Variants in LDLRAD4 observed in about 807,000 individuals in gnomAD.
LDLRAD4 encodes the protein low-density lipoprotein receptor class A domain-containing protein 4.
A neutral mutation model predicts 17.0 loss-of-function variants in LDLRAD4; 5 were observed. That is an observed-to-expected ratio of 0.29 (90% CI 0.15 to 0.62). The LOEUF is 0.62. LDLRAD4 is among the 20% of genes least tolerant of loss of function. LDLRAD4 has a pLI of 0.84. For missense variants in LDLRAD4, 340 were observed against 424.7 expected, an observed-to-expected ratio of 0.80 and a Z score of 1.75; for synonymous variants, 168 against 171.8, an observed-to-expected ratio of 0.98 and a Z score of 0.17.
intron 1 of LDLRAD4, among the ~76,000 whole-genome samples, chr18:13,352,399 CCTTT>C (rs59035105): frequency 0.31 from 46,663 of 151,650 alleles, 7,156 homozygotes; most frequent in South Asian, 0.37. Context: ...TTTATTTTTC[CCTTT>C]CAGCAGTTTA....
At chr18:13,630,746 A>G (rs2041590092) in intron 4 of LDLRAD4, among the ~76,000 whole-genome samples, 2 of 152,242 alleles carry the variant, frequency 1.3e-5, no homozygotes, top group Non-Finnish European at 2.9e-5. Flanking sequence ...AAGAACAGTA[A>G]GAAATACATT....
intron 3 of LDLRAD4, chr18:13,611,558 A>G (rs1437815103): frequency 3.0e-6 from 3 of 985,334 alleles, no homozygotes; most frequent in African/African-American, 3.5e-5. Context: ...GTGCTTGAAC[A>G]AAATGAACCA....
intron 3 of LDLRAD4, among the ~76,000 whole-genome samples, chr18:13,530,118 G>A (rs1462944508): frequency 6.6e-6 from 1 of 152,128 alleles, no homozygotes; most frequent in African/African-American, 2.4e-5. Context: ...AATTAAATTT[G>A]CCCCCTACCT....
At chr18:13,267,027 G>A (rs2044258489) in intron 1 of LDLRAD4, among the ~76,000 whole-genome samples, 1 of 152,202 alleles carries the variant, frequency 6.6e-6, no homozygotes. Flanking sequence ...GAATCAACAG[G>A]GTAATGGTGG....
intron 3 of LDLRAD4, among the ~76,000 whole-genome samples, chr18:13,555,403 A>G (rs542998296): frequency 4.7e-4 from 72 of 152,208 alleles, no homozygotes; most frequent in African/African-American, 1.5e-3. Flanking sequence ...GTCACAGCCT[A>G]CCTTCTCCCT....
At chr18:13,444,527 T>A (rs1191241427) in intron 3 of LDLRAD4, among the ~76,000 whole-genome samples, 1 of 152,064 alleles carries the variant, frequency 6.6e-6, no homozygotes, top group Non-Finnish European at 1.5e-5. Context: ...TTTCGGGGAG[T>A]TGAAAGTTAT....
At chr18:13,219,040 G>A (rs2041297026) in intron 1 of LDLRAD4, 52 bp downstream of exon 1, 1 of 151,710 alleles carries the variant, frequency 6.6e-6, no homozygotes, top group Non-Finnish European at 1.5e-5. Flanking sequence ...AATCGCTATC[G>A]TGGCGGAGAG....
At chr18:13,220,754 C>T (rs1004222118) in intron 1 of LDLRAD4, among the ~76,000 whole-genome samples, 35 of 152,206 alleles carry the variant, frequency 2.3e-4, no homozygotes, top group African/African-American at 8.2e-4. Context: ...GCTCCTGGGA[C>T]GCTCTCTGTT....
chr18:13,305,735 C>G, intron 1 of LDLRAD4, among the ~76,000 whole-genome samples: 1 of 152,116 alleles, frequency 6.6e-6, no homozygotes, highest in East Asian at 1.9e-4. Context: ...GCATAAGAAC[C>G]ACTGGAAAAA....
chr18:13,239,248 T>C (rs1207314744), intron 1 of LDLRAD4, among the ~76,000 whole-genome samples: 1 of 150,992 alleles, frequency 6.6e-6, no homozygotes, highest in Non-Finnish European at 1.5e-5. Flanking sequence ...TTGTGACCCA[T>C]GAAGCCTGCG....
intron 3 of LDLRAD4, among the ~76,000 whole-genome samples, chr18:13,534,978 ACT>A (rs2094182409): frequency 6.6e-6 from 1 of 151,944 alleles, no homozygotes; most frequent in Non-Finnish European, 1.5e-5. Context: ...TGTTTTTGAG[ACT>A]CATCCATATA....
chr18:13,507,905 T>G (rs1045193722), intron 3 of LDLRAD4, among the ~76,000 whole-genome samples: 33 of 152,240 alleles, frequency 2.2e-4, no homozygotes, highest in Admixed American at 7.8e-4. Flanking sequence ...TCAAGATGAT[T>G]AAACTTAGTG....
chr18:13,474,323 C>T (rs972436331), intron 3 of LDLRAD4, among the ~76,000 whole-genome samples: 1 of 152,192 alleles, frequency 6.6e-6, no homozygotes, highest in Non-Finnish European at 1.5e-5. Flanking sequence ...ACCAGCCCAG[C>T]CCCTGCAGCC....
chr18:13,339,694 G>T lies in LDLRAD4; in HGVS notation c.-382-47647G>T, dbSNP rs2082274946. 2.6e-5 allele frequency among the ~76,000 whole-genome samples: 4 copies of T among 152,096 alleles called. 1 individual carries two copies. The South Asian group carries it at 8.3e-4, about 32-fold the overall frequency. The stretch of plus-strand genomic sequence containing the variant: ...TTATGGAGAACAGTTTGAAAAGAGA[G>T]AATAATTTTTAAAAGGAGATAAGAA... On this transcript the variant is annotated intron_variant, in intron 1 of 5. Coordinates refer to ENST00000359446, the Ensembl canonical transcript of LDLRAD4.
At chr18:13,570,303 C>T (rs1439832551) in intron 3 of LDLRAD4, among the ~76,000 whole-genome samples, 1 of 152,186 alleles carries the variant, frequency 6.6e-6, no homozygotes, top group Non-Finnish European at 1.5e-5. Flanking sequence ...TCTCAAGATG[C>T]CACTACCTGG....
intron 1 of LDLRAD4, among the ~76,000 whole-genome samples, chr18:13,255,712 C>T (rs1322192190): frequency 3.3e-5 from 5 of 151,998 alleles, no homozygotes; most frequent in African/African-American, 1.2e-4. Flanking sequence ...GCTGTTGCAG[C>T]GTTGAGGCCC....
At chr18:13,269,673 G>C (rs1335615852) in intron 1 of LDLRAD4, among the ~76,000 whole-genome samples, 1 of 152,202 alleles carries the variant, frequency 6.6e-6, no homozygotes, top group South Asian at 2.1e-4. Flanking sequence ...GACGTCATGT[G>C]CTCACACTTG....
chr18:13,599,063 T>C (rs1489627782), intron 3 of LDLRAD4, among the ~76,000 whole-genome samples: 1 of 152,138 alleles, frequency 6.6e-6, no homozygotes, highest in Non-Finnish European at 1.5e-5. Context: ...GGCCAAGTGG[T>C]AATAGGAAGC....
At chr18:13,395,737 T>C (rs1435313122) in intron 2 of LDLRAD4, among the ~76,000 whole-genome samples, 1 of 33,328 alleles carries the variant, frequency 3.0e-5, no homozygotes, top group African/African-American at 1.3e-4. Context: ...GGGGCGGAAG[T>C]TGGCGTGGGG....
Sources: allele counts gnomAD v4.1 joint callset (sites outside exome capture counted in the v4.1 genomes callset), GRCh38; gene constraint gnomAD v4.1.1; transcripts MANE v1.5; gene names NCBI Gene and HGNC (gene_info 2026-07-23, HGNC 2026-07-21).